Variants in DAAM2 observed in about 807,000 individuals in gnomAD.
DAAM2 encodes dishevelled associated activator of morphogenesis 2.
A neutral mutation model predicts 120.7 loss-of-function variants in DAAM2; 39 were observed. That is an observed-to-expected ratio of 0.32 (90% CI 0.25 to 0.42). The LOEUF is 0.42. DAAM2 is among the 10% of genes least tolerant of loss of function. DAAM2 has a pLI of 1.00. For missense variants in DAAM2, 1,283 were observed against 1,401.7 expected (o/e 0.92, Z 1.35); for synonymous variants, 488 against 524.9 (o/e 0.93, Z 0.96).
intron 1 of DAAM2, among the ~76,000 whole-genome samples, chr6:39,837,564 G>A (rs923226583): frequency 5.7e-4 from 85 of 148,976 alleles, no homozygotes; most frequent in Admixed American, 1.4e-3. Flanking sequence ...TTGGGAGGCT[G>A]AGACAGGAGA....
rs140274235 is a variant in DAAM2, at chr6:39,799,990, T to A, written c.-57+7525T>A. On this transcript the variant is annotated intron_variant, in intron 1 of 24. Coordinates refer to ENST00000274867, the MANE Select transcript of DAAM2 (RefSeq NM_001201427.2). Reference sequence around the variant, plus strand: ...TGTTACTCTGTAGCATACTTTTCTTTCCCTTGACCATATGTCAAGGTCATC... The same window carrying A: ...TGTTACTCTGTAGCATACTTTTCTTACCCTTGACCATATGTCAAGGTCATC... 9.8e-5 allele frequency among the ~76,000 whole-genome samples: 15 copies of A among 152,360 alleles called. 1 individual carries two copies. Among genetic ancestry groups the A allele is most frequent in the Admixed American group, 3.3e-4 (5 of 15,310 alleles).
chr6:39,796,528 G>A (rs1195473340), intron 1 of DAAM2, among the ~76,000 whole-genome samples: 1 of 148,400 alleles, frequency 6.7e-6, no homozygotes, highest in Non-Finnish European at 1.5e-5. Context: ...CCTGTTCTTG[G>A]AACCTGTGCA....
At chr6:39,811,045 A>C (rs1045419487) in intron 1 of DAAM2, among the ~76,000 whole-genome samples, 2 of 152,142 alleles carry the variant, frequency 1.3e-5, no homozygotes, top group Non-Finnish European at 2.9e-5. Context: ...GCTCCTTGCC[A>C]AGTCCTCAGA....
chr6:39,897,580 A>C (rs922732584), intron 21 of DAAM2, among the ~76,000 whole-genome samples: 6 of 152,030 alleles, frequency 3.9e-5, no homozygotes, highest in African/African-American at 1.5e-4. Context: ...CACCAGGAAG[A>C]CTCCCAGTAT....
intron 1 of DAAM2, among the ~76,000 whole-genome samples, chr6:39,799,264 A>G (rs1761791806): frequency 6.6e-6 from 1 of 152,142 alleles, no homozygotes; most frequent in Non-Finnish European, 1.5e-5. Context: ...TGTGGTGAAA[A>G]GTCGGGTTTT....
At chr6:39,855,984 G>A in intron 1 of DAAM2, 1 of 967,328 alleles carries the variant, frequency 1.0e-6, no homozygotes, top group Non-Finnish European at 1.2e-6. Context: ...CTGAGGGCAA[G>A]GAAGGGGAAT....
At chr6:39,888,396 T>G in intron 16 of DAAM2, 1 of 252,492 alleles carries the variant, frequency 4.0e-6, no homozygotes, top group Non-Finnish European at 7.8e-6. Context: ...TTGGTCTACA[T>G]TGAAGACATC....
Position 39,877,033 on chromosome 6 carries a change from A to G in DAAM2, c.1302-1170A>G, listed in dbSNP as rs141520628. ...TGCCTCTCACTACAAAACCCAGCTC[A>G]CTGGCCATGCAAGATTTTTGTTCCA... On this transcript the variant is annotated intron_variant, in intron 11 of 24. Coordinates refer to ENST00000274867, the MANE Select transcript of DAAM2 (RefSeq NM_001201427.2). Among the ~76,000 whole-genome samples the G allele has an allele frequency of 3.8e-3, 578 of 152,316 alleles. 3 individuals are homozygous for G. Among genetic ancestry groups the G allele is most frequent in the African/African-American group, 0.013 (557 of 41,580 alleles).
chr6:39,839,027 C>T (rs1763218552), intron 1 of DAAM2, among the ~76,000 whole-genome samples: 1 of 152,082 alleles, frequency 6.6e-6, no homozygotes, highest in Admixed American at 6.5e-5. Context: ...CTAGTGGTCC[C>T]CCCTCTCTCT....
intron 1 of DAAM2, among the ~76,000 whole-genome samples, chr6:39,802,718 A>G (rs1403631781): frequency 6.6e-6 from 1 of 152,196 alleles, no homozygotes; most frequent in Non-Finnish European, 1.5e-5. Context: ...AAAGAAATAT[A>G]CTTTCCATTA....
chr6:39,861,043 C>T (rs1269043930), intron 3 of DAAM2, 26 bp downstream of exon 3: 1 of 1,573,766 alleles, frequency 6.4e-7, no homozygotes, highest in East Asian at 2.3e-5. Context: ...CCTCTGGCCA[C>T]ATCTCAGGGT....
At chr6:39,819,547 A>G (rs1431824705) in intron 1 of DAAM2, 3 of 152,232 alleles carry the variant, frequency 2.0e-5, no homozygotes, top group Non-Finnish European at 4.4e-5. Flanking sequence ...TGACTCCACA[A>G]GATTTTAGTG....
intron 1 of DAAM2, among the ~76,000 whole-genome samples, chr6:39,844,976 AC>A (rs1385322092): frequency 1.3e-5 from 2 of 148,228 alleles, no homozygotes; most frequent in Non-Finnish European, 3.0e-5. Flanking sequence ...ATGTACACAA[AC>A]CCCATCACAC....
At chr6:39,835,953 C>G (rs1157465345) in intron 1 of DAAM2, among the ~76,000 whole-genome samples, 1 of 151,814 alleles carries the variant, frequency 6.6e-6, no homozygotes, top group Non-Finnish European at 1.5e-5. Context: ...ACTAAGATTC[C>G]TTGAATCCCT....
At chr6:39,815,089 A>T (rs1271954904) in intron 1 of DAAM2, among the ~76,000 whole-genome samples, 1 of 152,260 alleles carries the variant, frequency 6.6e-6, no homozygotes, top group Non-Finnish European at 1.5e-5. Flanking sequence ...AGAAATGCAC[A>T]TCCCTGGGCT....
rs1763188452 is a variant in DAAM2, at chr6:39,838,357, AC to A, written c.-56-17888del. Among the ~76,000 whole-genome samples the A allele has an allele frequency of 2.0e-5, 3 of 152,326 alleles. No individual in the cohort carries two copies. In the South Asian group the frequency reaches 6.2e-4, roughly 32 times the overall value. On this transcript the variant is annotated intron_variant, in intron 1 of 24. Coordinates refer to ENST00000274867, the MANE Select transcript of DAAM2 (RefSeq NM_001201427.2). ...TATTGCTATTATTATTGAAGATGGCACCACCTTTTCAAACAAATTCCCGGGT... is the reference window on the plus strand; with the variant it reads ...TATTGCTATTATTATTGAAGATGGCACACCTTTTCAAACAAATTCCCGGGT...
At chr6:39,824,471 G>A (rs1762598671) in intron 1 of DAAM2, among the ~76,000 whole-genome samples, 2 of 152,176 alleles carry the variant, frequency 1.3e-5, no homozygotes, top group African/African-American at 4.8e-5. Flanking sequence ...CATCCCCTGT[G>A]GGGCGTTAGA....
intron 5 of DAAM2, among the ~76,000 whole-genome samples, chr6:39,866,573 G>A (rs940294851): frequency 6.6e-6 from 1 of 152,164 alleles, no homozygotes; most frequent in African/African-American, 2.4e-5. Flanking sequence ...TGAAACTTAT[G>A]GACTGCTTCG....
At position 39,864,974 on chromosome 6, in the gene DAAM2, C is replaced by T; in HGVS notation, c.334-6C>T. 1 of 1,597,234 alleles carries T rather than the reference C, an allele frequency of 6.3e-7. No homozygotes were observed. The highest frequency in any genetic ancestry group is 8.5e-7 in the Non-Finnish European group (1 of 1,172,214). ...AGGCAGCCCCTTTCTACCTGCTGGC[C>T]CTCAGATGCAGAGTCTGTACGCGTT... On this transcript the variant is annotated splice_polypyrimidine_tract_variant and splice_region_variant and intron_variant, in intron 4 of 24. Coordinates refer to ENST00000274867, the MANE Select transcript of DAAM2 (RefSeq NM_001201427.2).
Sources: gnomAD v4.1 joint callset for allele counts (sites outside exome capture counted in the v4.1 genomes callset) on GRCh38, gnomAD v4.1.1 for gene constraint, MANE v1.5 for transcripts, NCBI Gene and HGNC (gene_info 2026-07-23, HGNC 2026-07-21) for gene names.